MYOF: variants seen among roughly 807,000 people sequenced by gnomAD.
MYOF encodes fer-1-like 3, myoferlin.
In MYOF, 244 loss-of-function variants were observed where a neutral mutation model predicts 284.2. The observed-to-expected ratio is 0.86, with a 90% CI of 0.77 to 0.95. The LOEUF (loss-of-function observed/expected upper bound fraction) is 0.95, where lower values mean the gene tolerates loss of function less well. Among genes scored for constraint, MYOF ranks in the 40% least tolerant of loss-of-function variants. The probability of loss-of-function intolerance (pLI) is 0.00; values close to 1 mark genes in which losing one functional copy is unlikely to be tolerated. For missense variants in MYOF, 2,496 were observed against 2,560.6 expected (o/e 0.97, Z 0.54); for synonymous variants, 904 against 919.7 (o/e 0.98, Z 0.31).
intron 3 of MYOF, among the ~76,000 whole-genome samples, chr10:93,439,188 T>C (rs1050333721): frequency 2.0e-5 from 3 of 147,010 alleles, no homozygotes; most frequent in East Asian, 3.9e-4. Context: ...CTGTTACCTT[T>C]GCAGGTAACA....
At chr10:93,404,102 G>T in intron 8 of MYOF, 29 bp from the exon 9 acceptor site, 1 of 1,613,992 alleles carries the variant, frequency 6.2e-7, no homozygotes, top group Non-Finnish European at 8.5e-7. Context: ...GTGAAGAAAT[G>T]ATTGGCTTTG....
chr10:93,398,708 T>TC (rs1847136784), intron 13 of MYOF, among the ~76,000 whole-genome samples: 1 of 151,844 alleles, frequency 6.6e-6, no homozygotes, highest in Admixed American at 6.6e-5. Context: ...AAAGCACCAG[T>TC]CATATGTGTA....
intron 16 of MYOF, among the ~76,000 whole-genome samples, chr10:93,393,611 A>T (rs993755207): frequency 2.6e-5 from 4 of 152,260 alleles, no homozygotes; most frequent in Non-Finnish European, 1.5e-5. Flanking sequence ...TTTAGATATT[A>T]TTTAATGACT....
At chr10:93,480,475 T>C (rs893078943) in intron 1 of MYOF, among the ~76,000 whole-genome samples, 6 of 136,398 alleles carry the variant, frequency 4.4e-5, no homozygotes. Context: ...AGCTTTTTTT[T>C]TTTTTTTTTT....
chr10:93,415,815 T>A (rs545005220), intron 5 of MYOF, among the ~76,000 whole-genome samples: 1 of 152,152 alleles, frequency 6.6e-6, no homozygotes, highest in Non-Finnish European at 1.5e-5. Flanking sequence ...ACTGGATCAT[T>A]CCCATCAAAA....
At chr10:93,348,260 A>G (rs1443774513) in intron 36 of MYOF, among the ~76,000 whole-genome samples, 1 of 152,172 alleles carries the variant, frequency 6.6e-6, no homozygotes, top group Non-Finnish European at 1.5e-5. Context: ...GACTTTAGAA[A>G]TGGTCAAGAC....
chr10:93,450,741 G>A (rs1365021468), intron 3 of MYOF, among the ~76,000 whole-genome samples: 2 of 152,170 alleles, frequency 1.3e-5, no homozygotes, highest in South Asian at 2.1e-4. Flanking sequence ...TCTCACTGCA[G>A]CCTTCAGATT....
intron 5 of MYOF, among the ~76,000 whole-genome samples, chr10:93,410,089 G>A (rs766312986): frequency 1.8e-4 from 28 of 152,120 alleles, no homozygotes; most frequent in Admixed American, 5.9e-4. Flanking sequence ...GAAACATCAC[G>A]GAACACTGCA....
intron 49 of MYOF, among the ~76,000 whole-genome samples, chr10:93,317,094 C>T (rs1017077527): frequency 6.7e-6 from 1 of 149,484 alleles, no homozygotes. Flanking sequence ...TGGAGAGTGA[C>T]TCATCTCCCC....
chr10:93,367,823 G>A (rs986031099), intron 25 of MYOF, among the ~76,000 whole-genome samples: 3 of 151,796 alleles, frequency 2.0e-5, no homozygotes, highest in African/African-American at 7.3e-5. Context: ...CGGGGGTGGG[G>A]GGGAATTTTG....
chr10:93,434,006 A>T (rs753223175), intron 3 of MYOF, among the ~76,000 whole-genome samples: 1 of 152,200 alleles, frequency 6.6e-6, no homozygotes, highest in Non-Finnish European at 1.5e-5. Context: ...ACCCTGTTTC[A>T]CCCAATTTAC....
intron 26 of MYOF, 139 bp downstream of exon 26, chr10:93,366,253 C>A (rs1845320927): frequency 1.1e-6 from 1 of 919,142 alleles, no homozygotes; most frequent in Middle Eastern, 2.4e-4. Flanking sequence ...CAACTTTCTA[C>A]AAATTTCAAT....
At chr10:93,428,051 G>A (rs1848673061) in intron 4 of MYOF, among the ~76,000 whole-genome samples, 2 of 152,062 alleles carry the variant, frequency 1.3e-5, no homozygotes, top group South Asian at 4.2e-4. Flanking sequence ...AGAATAAAGG[G>A]AGTCCTTTGC....
At chr10:93,359,472 C>T (rs1275017550) in intron 29 of MYOF, among the ~76,000 whole-genome samples, 1 of 152,154 alleles carries the variant, frequency 6.6e-6, no homozygotes, top group Non-Finnish European at 1.5e-5. Context: ...ACATCTTGTT[C>T]CAAGTCCTGA....
Position 93,329,673 on chromosome 10 carries a change from T to A in MYOF, c.4973A>T (p.Glu1658Val). 1 of 1,613,962 alleles carries A rather than the reference T, an allele frequency of 6.2e-7. No homozygotes were observed. The highest frequency in any genetic ancestry group is 8.5e-7 in the Non-Finnish European group (1 of 1,180,030). ...RFGSHCGIPE[E>V]YCVSGVNTWR... ...AGTCAAAGCAACTTACACACAGTAC[T>A]CCTCTGGTATGCCGCAGTGGGACCC... Residue 1658 changes from glutamate to valine, a missense_variant, in exon 44 of 54, where the codon GAG becomes GTG. This residue lies in a region of MYOF where 2,436 missense variants were observed against 2,480.7 expected (regional missense o/e 0.98). Coordinates refer to ENST00000359263, the MANE Select transcript of MYOF (RefSeq NM_013451.4).
At chr10:93,438,618 G>C (rs1488117224) in intron 3 of MYOF, among the ~76,000 whole-genome samples, 1 of 152,062 alleles carries the variant, frequency 6.6e-6, no homozygotes, top group Non-Finnish European at 1.5e-5. Flanking sequence ...CAGGAAGTCC[G>C]AGAAACAATG....
chr10:93,430,680 C>T (rs1848803291), intron 4 of MYOF, among the ~76,000 whole-genome samples: 1 of 151,798 alleles, frequency 6.6e-6, no homozygotes, highest in African/African-American at 2.4e-5. Flanking sequence ...GAATATCTGA[C>T]ACACAGAATT....
At chr10:93,374,226 G>A (rs1845731426) in intron 23 of MYOF, among the ~76,000 whole-genome samples, 1 of 152,178 alleles carries the variant, frequency 6.6e-6, no homozygotes, top group Admixed American at 6.5e-5. Context: ...AGTCCATGGT[G>A]TATATGTGCC....
chr10:93,310,286 G>C, intron 52 of MYOF, 119 bp from the exon 53 acceptor site: 1 of 1,264,724 alleles, frequency 7.9e-7, no homozygotes. Flanking sequence ...AAAAAATACT[G>C]TTCCCCTTCG....
Sources: allele counts gnomAD v4.1 joint callset (sites outside exome capture counted in the v4.1 genomes callset), GRCh38; gene constraint gnomAD v4.1.1; regional missense constraint gnomAD v4.1.1; transcripts MANE v1.5; gene names NCBI Gene and HGNC (gene_info 2026-07-23, HGNC 2026-07-21).